Variants in IMMP2L observed in about 807,000 individuals in gnomAD.
The protein encoded by IMMP2L is mitochondrial inner membrane protease subunit 2.
A neutral mutation model predicts 19.3 loss-of-function variants in IMMP2L; 18 were observed. That is an observed-to-expected ratio of 0.93 (90% CI 0.64 to 1.38). IMMP2L has a LOEUF of 1.38. Ranked by LOEUF, IMMP2L falls within the 40% of genes most tolerant of loss-of-function variation. The pLI is 0.00. For synonymous variants in IMMP2L, 76 were observed against 73.0 expected, an observed-to-expected ratio of 1.04 and a Z score of -0.21; for missense variants, 233 against 218.2, an observed-to-expected ratio of 1.07 and a Z score of -0.43.
At chr7:110,724,375 C>T (rs1795760978) in intron 5 of IMMP2L, 1 of 152,086 alleles carries the variant, frequency 6.6e-6, no homozygotes, top group Admixed American at 6.6e-5. Context: ...ATGTCAGAGC[C>T]AATGCCTTAA....
At chr7:111,396,346 T>A (rs1483242726) in intron 3 of IMMP2L, among the ~76,000 whole-genome samples, 1 of 152,122 alleles carries the variant, frequency 6.6e-6, no homozygotes, top group South Asian at 2.1e-4. Flanking sequence ...AATAAGTTCA[T>A]GTCCTTTGCA....
chr7:111,055,633 A>T (rs1365752788), intron 3 of IMMP2L, among the ~76,000 whole-genome samples: 1 of 152,140 alleles, frequency 6.6e-6, no homozygotes, highest in African/African-American at 2.4e-5. Flanking sequence ...CTTGGGCCGC[A>T]CTTCTTCGCC....
chr7:111,370,663 G>A (rs796085380), intron 3 of IMMP2L, among the ~76,000 whole-genome samples: 18 of 151,940 alleles, frequency 1.2e-4, no homozygotes, highest in Non-Finnish European at 2.2e-4. Context: ...TCAAAATCCC[G>A]TTTCTCTAAA....
intron 5 of IMMP2L, among the ~76,000 whole-genome samples, chr7:110,740,315 A>G (rs1214928084): frequency 6.6e-6 from 1 of 152,188 alleles, no homozygotes; most frequent in African/African-American, 2.4e-5. Flanking sequence ...AATAAAATTG[A>G]TAGACCATTA....
At chr7:111,045,988 G>A (rs1001568917) in intron 3 of IMMP2L, among the ~76,000 whole-genome samples, 1 of 151,598 alleles carries the variant, frequency 6.6e-6, no homozygotes, top group Non-Finnish European at 1.5e-5. Flanking sequence ...AATAAGGGAA[G>A]GCCAATAAAA....
chr7:111,016,932 AATATATATTACATATATG>A, intron 3 of IMMP2L, among the ~76,000 whole-genome samples: 1 of 79,364 alleles, frequency 1.3e-5, no homozygotes, highest in Non-Finnish European at 2.3e-5. Context: ...TATATATACT[AATATATATTACATATATG>A]ATATATAATT....
intron 5 of IMMP2L, among the ~76,000 whole-genome samples, chr7:110,729,839 T>C (rs1029250611): frequency 2.4e-4 from 36 of 152,170 alleles, no homozygotes; most frequent in African/African-American, 6.7e-4. Context: ...GATGGGTTGA[T>C]CTGTGCAACA....
intron 3 of IMMP2L, among the ~76,000 whole-genome samples, chr7:111,352,061 C>T (rs915064016): frequency 6.6e-6 from 1 of 152,036 alleles, no homozygotes; most frequent in Non-Finnish European, 1.5e-5. Flanking sequence ...GTATGCTTCC[C>T]ATTAACACAA....
intron 3 of IMMP2L, among the ~76,000 whole-genome samples, chr7:111,206,183 T>C (rs192200086): frequency 6.6e-6 from 1 of 152,306 alleles, no homozygotes; most frequent in African/African-American, 2.4e-5. Context: ...ATCTCACTAT[T>C]AGTAAAGACC....
At chr7:111,450,400 C>G (rs1214197223) in intron 3 of IMMP2L, among the ~76,000 whole-genome samples, 3 of 151,850 alleles carry the variant, frequency 2.0e-5, no homozygotes, top group African/African-American at 7.3e-5. Context: ...CCTCAAATAA[C>G]GCCGCATACC....
Position 111,003,582 on chromosome 7 carries a change from GCTTCCTGCAGCCTCGATCT to G in IMMP2L, c.240-40036_240-40018del. Among the ~76,000 whole-genome samples, 3 of 152,046 alleles carry G rather than the reference GCTTCCTGCAGCCTCGATCT, an allele frequency of 2.0e-5. No homozygotes were observed. The South Asian group carries it at 6.2e-4, about 32-fold the overall frequency. On this transcript the variant is annotated intron_variant, in intron 3 of 5. Coordinates refer to ENST00000405709, the MANE Select transcript of IMMP2L (RefSeq NM_032549.4). Reference sequence around the variant, plus strand: ...GCTGGAGTGCAGTGGTGTGATCACAGCTTCCTGCAGCCTCGATCTCCTGGGCTCACACAACCTTCCCACC... The same window carrying G: ...GCTGGAGTGCAGTGGTGTGATCACAGCCTGGGCTCACACAACCTTCCCACC...
chr7:111,002,225 A>G (rs928318881), intron 3 of IMMP2L, among the ~76,000 whole-genome samples: 3 of 152,164 alleles, frequency 2.0e-5, no homozygotes, highest in Admixed American at 2.0e-4. Context: ...ATAGGTAAAA[A>G]TTACCCTAAG....
chr7:111,365,107 TA>T (rs1341036571), intron 3 of IMMP2L, among the ~76,000 whole-genome samples: 1 of 152,068 alleles, frequency 6.6e-6, no homozygotes, highest in African/African-American at 2.4e-5. Context: ...AGATAAACTT[TA>T]AATAAGAAGG....
chr7:110,679,653 C>T (rs1297750780), intron 5 of IMMP2L, among the ~76,000 whole-genome samples: 1 of 152,062 alleles, frequency 6.6e-6, no homozygotes, highest in African/African-American at 2.4e-5. Flanking sequence ...GTGGTGAATG[C>T]AGCTATTCCT....
intron 1 of IMMP2L, among the ~76,000 whole-genome samples, chr7:111,528,400 T>C (rs533376277): frequency 6.6e-6 from 1 of 152,198 alleles, no homozygotes; most frequent in Non-Finnish European, 1.5e-5. Context: ...ACACTGCTCC[T>C]GAGAAAATTA....
At chr7:111,217,765 G>A (rs572256196) in intron 3 of IMMP2L, among the ~76,000 whole-genome samples, 1 of 152,034 alleles carries the variant, frequency 6.6e-6, no homozygotes, top group Admixed American at 6.6e-5. Context: ...TAATCAATAT[G>A]AATGAAATTC....
At chr7:111,403,571 T>C (rs1833659106) in intron 3 of IMMP2L, among the ~76,000 whole-genome samples, 1 of 152,080 alleles carries the variant, frequency 6.6e-6, no homozygotes, top group African/African-American at 2.4e-5. Flanking sequence ...AAGTAGTAAG[T>C]ATTCAAAATA....
In IMMP2L at chr7:111,178,503, T is replaced by C. The variant is rs6466374; in HGVS notation, c.240-214938A>G. On this transcript the variant is annotated intron_variant, in intron 3 of 5. Transcript: ENST00000405709. ...CTCTTCCTTTCATGAAAGATTTTTT[T>C]GCAGCACATGATGCTGTTTGATAGC... Among the ~76,000 whole-genome samples the C allele has an allele frequency of 9.5e-3, 1,446 of 152,178 alleles. 24 individuals carry two copies. The highest frequency in any genetic ancestry group is 0.033 in the African/African-American group (1,363 of 41,522).
intron 3 of IMMP2L, among the ~76,000 whole-genome samples, chr7:111,230,479 A>G (rs565914298): frequency 5.2e-4 from 79 of 152,226 alleles, no homozygotes; most frequent in Non-Finnish European, 9.3e-4. Context: ...TATGTTCATA[A>G]AAGTGTTTTA....
Sources: allele counts gnomAD v4.1 joint callset (sites outside exome capture counted in the v4.1 genomes callset), GRCh38; gene constraint gnomAD v4.1.1; transcripts MANE v1.5; gene names NCBI Gene and HGNC (gene_info 2026-07-23, HGNC 2026-07-21).